Variants in ARHGAP5 observed in about 807,000 individuals in gnomAD.
ARHGAP5 encodes the protein rho GTPase-activating protein 5.
In ARHGAP5, 23 loss-of-function variants were observed where a neutral mutation model predicts 116.6. The observed-to-expected ratio is 0.20, with a 90% confidence interval of 0.14 to 0.28. The LOEUF is 0.28. Among genes scored for constraint, ARHGAP5 ranks in the 10% least tolerant of loss-of-function variants. The probability of loss-of-function intolerance (pLI) is 1.00; values close to 1 mark genes in which losing one functional copy is unlikely to be tolerated. For missense variants in ARHGAP5, 1,405 were observed against 1,774.8 expected (o/e 0.79, Z 3.74); for synonymous variants, 574 against 602.0 (o/e 0.95, Z 0.68).
intron 3 of ARHGAP5, among the ~76,000 whole-genome samples, chr14:32,135,060 TTTGTC>T (rs1403560724): frequency 6.6e-6 from 1 of 152,200 alleles, no homozygotes; most frequent in Non-Finnish European, 1.5e-5. Context: ...CCCAGCATTG[TTTGTC>T]TTAACATCTG....
intron 3 of ARHGAP5, among the ~76,000 whole-genome samples, chr14:32,137,996 A>G (rs116496549): frequency 0.057 from 8,546 of 150,110 alleles, 815 homozygotes; most frequent in African/African-American, 0.19. Flanking sequence ...AAAAAATTTC[A>G]CCTTCCAATC....
rs545402075 is a variant in ARHGAP5, at chr14:32,158,780, T to C, written c.*3832T>C. On this transcript the variant is annotated 3_prime_UTR_variant, in exon 7 of 7. Transcript: ENST00000345122. ...ATAAGGGAAGATACTATTCAAATCATTTTCTTAGGATAGCATCTTTACATA... is the reference window on the plus strand; with the variant it reads ...ATAAGGGAAGATACTATTCAAATCACTTTCTTAGGATAGCATCTTTACATA... The C allele has an allele frequency of 1.3e-5, 2 of 152,158 alleles. No homozygotes were observed. Among genetic ancestry groups the C allele is most frequent in the Admixed American group, 6.5e-5 (1 of 15,284 alleles). The allele number at this position is 152,158 out of a possible 1,614,324, so 9.4% of individuals were successfully genotyped here.
At chr14:32,088,530 T>C (rs911820812) in intron 1 of ARHGAP5, among the ~76,000 whole-genome samples, 2 of 152,002 alleles carry the variant, frequency 1.3e-5, no homozygotes, top group African/African-American at 4.8e-5. Context: ...TCTCTGTAAA[T>C]ATCCATAAAT....
At chr14:32,095,542 T>C (rs1423225189) in intron 2 of ARHGAP5, among the ~76,000 whole-genome samples, 2 of 151,778 alleles carry the variant, frequency 1.3e-5, no homozygotes, top group Admixed American at 6.6e-5. Flanking sequence ...CCTTCCTGAG[T>C]AGCTGGGATT....
chr14:32,097,061 G>A (rs923512022), intron 2 of ARHGAP5, among the ~76,000 whole-genome samples: 1 of 152,178 alleles, frequency 6.6e-6, no homozygotes, highest in Non-Finnish European at 1.5e-5. Flanking sequence ...TTTAGAGTGA[G>A]TATCTGTACA....
At chr14:32,105,609 C>A (rs955043357) in intron 2 of ARHGAP5, among the ~76,000 whole-genome samples, 1 of 151,998 alleles carries the variant, frequency 6.6e-6, no homozygotes, top group South Asian at 2.1e-4. Flanking sequence ...AGATCTTATT[C>A]AGATTTCCCC....
chr14:32,125,323 C>T (rs1354964800), intron 3 of ARHGAP5, among the ~76,000 whole-genome samples: 1 of 152,136 alleles, frequency 6.6e-6, no homozygotes, highest in African/African-American at 2.4e-5. Flanking sequence ...TGTGTTGTAA[C>T]ATGTATCATT....
rs1878272388 is a variant in ARHGAP5, at chr14:32,091,930, C to G, written c.1261C>G (p.Leu421Val). The G allele has an allele frequency of 6.2e-7, 1 of 1,613,608 alleles. No individual in the cohort carries two copies. The highest frequency in any genetic ancestry group is 8.5e-7 in the Non-Finnish European group (1 of 1,179,672). Residue 421 changes from leucine to valine, a missense_variant, in exon 2 of 7, where the codon CTG becomes GTG. Physicochemically the swap from Leu to Val is conservative, Grantham distance 32 (BLOSUM62 1). Around this residue, in one of 6 missense-constraint regions of ARHGAP5, gnomAD observed 944 missense variants for 1,095.3 expected, o/e 0.86. Coordinates refer to ENST00000345122, the MANE Select transcript of ARHGAP5 (RefSeq NM_001030055.2). ...EKVYQNHVQH[L>V]ISEKRRVEMK... ...AGTCTATCAGAACCATGTACAGCAT[C>G]TGATATCCGAGAAGAGGAGGGTGGA...
chr14:32,105,566 C>T (rs531934245), intron 2 of ARHGAP5, among the ~76,000 whole-genome samples: 20 of 152,004 alleles, frequency 1.3e-4, no homozygotes, highest in African/African-American at 4.3e-4. Flanking sequence ...AGTACAATAT[C>T]ACAGCCAGGG....
chr14:32,138,379 G>A (rs912395334), intron 3 of ARHGAP5, among the ~76,000 whole-genome samples: 17 of 152,204 alleles, frequency 1.1e-4, no homozygotes, highest in Admixed American at 9.8e-4. Flanking sequence ...CCACTCCTGG[G>A]TTCAAGCAAT....
intron 3 of ARHGAP5, among the ~76,000 whole-genome samples, chr14:32,119,207 GTTCAT>G (rs1265147632): frequency 1.3e-5 from 2 of 151,710 alleles, no homozygotes; most frequent in African/African-American, 4.8e-5. Flanking sequence ...TGAGAAATTT[GTTCAT>G]TTCATCTAAA....
intron 2 of ARHGAP5, among the ~76,000 whole-genome samples, chr14:32,100,388 G>A (rs1037048901): frequency 2.0e-5 from 3 of 151,946 alleles, no homozygotes; most frequent in African/African-American, 7.3e-5. Context: ...CATAGAGATG[G>A]GGGTCTCACT....
intron 3 of ARHGAP5, among the ~76,000 whole-genome samples, chr14:32,140,084 TAGGTTATTTG>T (rs368626349): frequency 2.7e-5 from 3 of 109,820 alleles, no homozygotes; most frequent in African/African-American, 3.5e-5. Context: ...TTTTTTTTTT[TAGGTTATTTG>T]TTCTTTTTTT....
chr14:32,111,383 GTCTC>G (rs1358669051), intron 2 of ARHGAP5, among the ~76,000 whole-genome samples: 4 of 152,210 alleles, frequency 2.6e-5, no homozygotes, highest in Admixed American at 2.0e-4. Context: ...AACAGGGGTG[GTCTC>G]TTTAGAAGTC....
intron 4 of ARHGAP5, among the ~76,000 whole-genome samples, chr14:32,146,816 A>G (rs1325823270): frequency 3.9e-5 from 6 of 152,184 alleles, no homozygotes; most frequent in Admixed American, 1.3e-4. Flanking sequence ...TCAGGCCTGG[A>G]AGGAATGGAA....
intron 3 of ARHGAP5, among the ~76,000 whole-genome samples, chr14:32,127,465 A>T: frequency 6.6e-6 from 1 of 152,140 alleles, no homozygotes; most frequent in Non-Finnish European, 1.5e-5. Flanking sequence ...GACACAGCAC[A>T]TGTTTCAGAG....
At chr14:32,101,840 A>G (rs979279506) in intron 2 of ARHGAP5, among the ~76,000 whole-genome samples, 18 of 152,056 alleles carry the variant, frequency 1.2e-4, no homozygotes, top group Non-Finnish European at 1.9e-4. Flanking sequence ...AAAATTAGCC[A>G]GGCGTGGTGG....
intron 3 of ARHGAP5, among the ~76,000 whole-genome samples, chr14:32,118,738 CTTTG>C: frequency 6.6e-6 from 1 of 152,196 alleles, no homozygotes; most frequent in East Asian, 1.9e-4. Flanking sequence ...TAGCTTCCTG[CTTTG>C]GATTTAAAGA....
At chr14:32,119,815 C>T (rs1363910209) in intron 3 of ARHGAP5, among the ~76,000 whole-genome samples, 1 of 152,056 alleles carries the variant, frequency 6.6e-6, no homozygotes, top group African/African-American at 2.4e-5. Flanking sequence ...ATTAAACTAA[C>T]CTTACATCCC....
Sources: gnomAD v4.1 joint callset for allele counts (sites outside exome capture counted in the v4.1 genomes callset) on GRCh38, gnomAD v4.1.1 for gene constraint, gnomAD v4.1.1 regional missense constraint, MANE v1.5 for transcripts, NCBI Gene and HGNC (gene_info 2026-07-23, HGNC 2026-07-21) for gene names.